The following OSBPL8 variants were observed in gnomAD, a reference collection of about 807,000 sequenced individuals.
OSBPL8 encodes the protein oxysterol binding protein like 8, also known as oxysterol-binding protein-related protein 8.
Under a neutral mutation model 125.5 loss-of-function variants are expected in OSBPL8, and 59 were observed. That is an observed-to-expected ratio of 0.47 (90% CI 0.38 to 0.58). OSBPL8 has a LOEUF of 0.58. Among genes scored for constraint, OSBPL8 ranks in the 20% least tolerant of loss-of-function variants. OSBPL8 has a pLI of 0.00. For synonymous variants in OSBPL8, 330 were observed against 338.9 expected (o/e 0.97, Z 0.29); for missense variants, 758 against 1,047.8 (o/e 0.72, Z 3.82).
intron 1 of OSBPL8, among the ~76,000 whole-genome samples, chr12:76,534,720 T>G (rs1191091200): frequency 6.6e-6 from 1 of 152,112 alleles, no homozygotes; most frequent in African/African-American, 2.4e-5. Context: ...TTTTTACTAT[T>G]TTCGAGATGA....
At chr12:76,519,800 C>G (rs546059444) in intron 1 of OSBPL8, among the ~76,000 whole-genome samples, 17 of 152,110 alleles carry the variant, frequency 1.1e-4, no homozygotes, top group African/African-American at 3.6e-4. Context: ...TTTAAACAAC[C>G]AAATCTGCAT....
At chr12:76,420,402 T>C (rs1231062578) in intron 4 of OSBPL8, among the ~76,000 whole-genome samples, 2 of 152,044 alleles carry the variant, frequency 1.3e-5, no homozygotes, top group African/African-American at 4.8e-5. Flanking sequence ...AAGTAACAGC[T>C]GAGATCAAGA....
intron 9 of OSBPL8, among the ~76,000 whole-genome samples, chr12:76,394,011 T>A (rs185662941): frequency 3.9e-5 from 6 of 152,122 alleles, no homozygotes; most frequent in Non-Finnish European, 8.8e-5. Flanking sequence ...AGAGCGAGAC[T>A]CCATCTCAAA....
At chr12:76,450,701 G>C in intron 4 of OSBPL8, 150 bp downstream of exon 4, 1 of 700,840 alleles carries the variant, frequency 1.4e-6, no homozygotes, top group South Asian at 2.1e-5. Context: ...GAGTATTATA[G>C]ATGACCTAAA....
chr12:76,486,039 C>T (rs779158487), intron 2 of OSBPL8: 6 of 432,308 alleles, frequency 1.4e-5, no homozygotes, highest in African/African-American at 2.0e-5. Context: ...ACTTACCATC[C>T]GTTTTTCATT....
At position 76,435,754 on chromosome 12, in the gene OSBPL8, T is replaced by C. The variant is rs1191639913; in HGVS notation, c.217+15097A>G. 9.9e-5 allele frequency among the ~76,000 whole-genome samples: 15 copies of C among 152,112 alleles called. No individual in the cohort carries two copies. The South Asian group carries it at 1.9e-3, about 19-fold the overall frequency. On this transcript the variant is annotated intron_variant, in intron 4 of 23. Coordinates refer to ENST00000261183, the MANE Select transcript of OSBPL8 (RefSeq NM_020841.5). ...GGGAAAAAAATGAGTGACATCACAA[T>C]GATGGTAAAGAAAGGAGAGTCTATA...
At chr12:76,506,181 G>A (rs937192195) in intron 1 of OSBPL8, among the ~76,000 whole-genome samples, 3 of 152,194 alleles carry the variant, frequency 2.0e-5, no homozygotes, top group Admixed American at 1.3e-4. Context: ...CAAAGCAATT[G>A]AGAAAATGAA....
At chr12:76,554,834 T>A (rs1951047807) in intron 1 of OSBPL8, among the ~76,000 whole-genome samples, 1 of 152,240 alleles carries the variant, frequency 6.6e-6, no homozygotes, top group Non-Finnish European at 1.5e-5. Flanking sequence ...GCTTATCATT[T>A]GATGACTCTT....
chr12:76,509,279 A>AT (rs2137171225), intron 1 of OSBPL8, among the ~76,000 whole-genome samples: 1 of 152,308 alleles, frequency 6.6e-6, no homozygotes, highest in Non-Finnish European at 1.5e-5. Flanking sequence ...TTGTGTATTA[A>AT]TAAGTACACT....
At chr12:76,506,134 A>T (rs1242706073) in intron 1 of OSBPL8, among the ~76,000 whole-genome samples, 2 of 152,216 alleles carry the variant, frequency 1.3e-5, no homozygotes, top group African/African-American at 4.8e-5. Context: ...TAAATTTTTT[A>T]AAAAAGAGAG....
At chr12:76,534,802 C>T (rs1950445365) in intron 1 of OSBPL8, among the ~76,000 whole-genome samples, 2 of 151,936 alleles carry the variant, frequency 1.3e-5, no homozygotes, top group South Asian at 2.1e-4. Flanking sequence ...ACTAGCATAC[C>T]GCACATATAT....
chr12:76,442,690 T>G (rs556368719), intron 4 of OSBPL8, among the ~76,000 whole-genome samples: 1 of 152,128 alleles, frequency 6.6e-6, no homozygotes, highest in Non-Finnish European at 1.5e-5. Context: ...AAGAACACAT[T>G]TGTTATATGT....
chr12:76,386,329 C>T (rs969856682), intron 13 of OSBPL8, 63 bp from the exon 14 acceptor site: 36 of 1,518,984 alleles, frequency 2.4e-5, no homozygotes, highest in Non-Finnish European at 2.9e-5. Flanking sequence ...ATAGTTTAAA[C>T]TAGTCAAAAT....
At chr12:76,367,881 C>G (rs888794204) in intron 21 of OSBPL8, among the ~76,000 whole-genome samples, 1 of 152,178 alleles carries the variant, frequency 6.6e-6, no homozygotes, top group African/African-American at 2.4e-5. Context: ...TATATCTTTA[C>G]ACATTGTATG....
At chr12:76,486,100 A>G in intron 2 of OSBPL8, 1 of 400,196 alleles carries the variant, frequency 2.5e-6, no homozygotes, top group Middle Eastern at 3.6e-4. Flanking sequence ...TTCCACACCC[A>G]TTTTCTTCTC....
intron 21 of OSBPL8, among the ~76,000 whole-genome samples, chr12:76,368,785 G>T (rs1316762724): frequency 1.3e-5 from 2 of 152,230 alleles, no homozygotes; most frequent in East Asian, 1.9e-4. Context: ...GAGTGCCTGT[G>T]TAAGTCCTTC....
intron 21 of OSBPL8, among the ~76,000 whole-genome samples, chr12:76,365,013 G>T (rs1268550289): frequency 6.6e-6 from 1 of 152,136 alleles, no homozygotes; most frequent in Non-Finnish European, 1.5e-5. Context: ...TCCCAGGCTG[G>T]AGTATAGTAG....
chr12:76,451,178 C>T (rs1362688574), intron 3 of OSBPL8, among the ~76,000 whole-genome samples, 190 bp from the exon 4 acceptor site: 1 of 152,066 alleles, frequency 6.6e-6, no homozygotes, highest in Non-Finnish European at 1.5e-5. Flanking sequence ...CCAAGAAGAA[C>T]TGACAGGTAT....
At chr12:76,420,595 T>C (rs1869351114) in intron 4 of OSBPL8, among the ~76,000 whole-genome samples, 1 of 151,936 alleles carries the variant, frequency 6.6e-6, no homozygotes, top group East Asian at 1.9e-4. Context: ...AAAATTAAAA[T>C]TAAAAAAGGG....
Sources: allele counts gnomAD v4.1 joint callset (sites outside exome capture counted in the v4.1 genomes callset), GRCh38; gene constraint gnomAD v4.1.1; transcripts MANE v1.5; gene names NCBI Gene and HGNC (gene_info 2026-07-23, HGNC 2026-07-21).